The following ABI3BP variants were observed in gnomAD, a reference collection of about 807,000 sequenced individuals.
ABI3BP encodes target of Nesh-SH3.
Under a neutral mutation model 268.6 loss-of-function variants are expected in ABI3BP, and 216 were observed. That is an observed-to-expected ratio of 0.80 (90% CI 0.72 to 0.90). The LOEUF (loss-of-function observed/expected upper bound fraction) is 0.90, where lower values mean the gene tolerates loss of function less well. Ranked by LOEUF, ABI3BP falls within the 40% of genes least tolerant of loss-of-function variation. The pLI, the probability that ABI3BP is intolerant of heterozygous loss-of-function variation, is 0.00. For missense variants in ABI3BP, 2,090 were observed against 2,182.4 expected, an observed-to-expected ratio of 0.96 and a Z score of 0.84; for synonymous variants, 730 against 730.0, an observed-to-expected ratio of 1.00 and a Z score of 0.00.
At position 100,837,109 on chromosome 3, in the gene ABI3BP, A is replaced by G. The variant is rs1316350402; in HGVS notation, c.2131+15T>C. The G allele has an allele frequency of 2.9e-5, 45 of 1,529,844 alleles. No homozygotes were observed. Among genetic ancestry groups the G allele is most frequent in the Non-Finnish European group, 3.1e-5 (36 of 1,143,732 alleles). The allele number at this position is 1,529,844 out of a possible 1,614,324, so 94.8% of individuals were successfully genotyped here. A position where few individuals can be genotyped will look rare whatever the true frequency, so the allele number is the denominator to read the frequency against. On this transcript the variant is annotated intron_variant, in intron 27 of 67. Coordinates refer to ENST00000471714, the MANE Select transcript of ABI3BP (RefSeq NM_001375547.2). ...TCAGAGAAACATTGGCCAAGAAGGA[A>G]GAAAGCATCATTACCTATGGTCATT...
chr3:100,863,003 C>T (rs2099014444), intron 12 of ABI3BP, 94 bp from the exon 13 acceptor site: 1 of 843,340 alleles, frequency 1.2e-6, no homozygotes, highest in Non-Finnish European at 1.9e-6. Flanking sequence ...AAAGCAAACA[C>T]AAAAAGGCAA....
chr3:100,945,369 C>T (rs1195500307), intron 1 of ABI3BP, among the ~76,000 whole-genome samples: 1 of 152,044 alleles, frequency 6.6e-6, no homozygotes, highest in Non-Finnish European at 1.5e-5. Flanking sequence ...TTTAAGTATA[C>T]AGCTCAATGA....
At chr3:100,840,193 C>T in intron 22 of ABI3BP, 29 bp from the exon 23 acceptor site, 4 of 1,477,016 alleles carry the variant, frequency 2.7e-6, no homozygotes, top group Non-Finnish European at 3.6e-6. Flanking sequence ...CAAGTTAATA[C>T]AAGAAGGGTG....
At chr3:100,880,029 G>C (rs1426295738) in intron 6 of ABI3BP, among the ~76,000 whole-genome samples, 2 of 152,172 alleles carry the variant, frequency 1.3e-5, no homozygotes, top group African/African-American at 4.8e-5. Context: ...AAGATACAGT[G>C]TTTAACCAAT....
chr3:100,885,779 G>A (rs369383188), intron 5 of ABI3BP, among the ~76,000 whole-genome samples, 191 bp from the exon 6 acceptor site: 14 of 152,080 alleles, frequency 9.2e-5, no homozygotes, highest in Admixed American at 7.9e-4. Flanking sequence ...CAAGGTTCCC[G>A]AAAGTCTTTT....
intron 16 of ABI3BP, 37 bp from the exon 17 acceptor site, chr3:100,850,156 C>A: frequency 6.4e-7 from 1 of 1,566,620 alleles, no homozygotes. Flanking sequence ...CAAATAATCC[C>A]AGTTAAAATG....
At position 100,750,454 on chromosome 3, in the gene ABI3BP, T is replaced by G. The variant is rs1447357428; in HGVS notation, c.*41A>C. On this transcript the variant is annotated 3_prime_UTR_variant, in exon 68 of 68. Coordinates refer to ENST00000471714, the MANE Select transcript of ABI3BP (RefSeq NM_001375547.2). The stretch of plus-strand genomic sequence containing the variant: ...TGCGGCATAGTATTTTCAATGATTT[T>G]TGTTTGCAATGATGAAACAGAAGGT... The G allele has an allele frequency of 6.8e-7, 1 of 1,465,882 alleles. No individual in the cohort carries two copies. Among genetic ancestry groups the G allele is most frequent in the Non-Finnish European group, 9.5e-7 (1 of 1,050,646 alleles). 90.8% of individuals were successfully genotyped at this position (1,465,882 alleles called of 1,614,324 possible).
chr3:100,975,859 G>C (rs1175741483), intron 1 of ABI3BP, among the ~76,000 whole-genome samples: 1 of 152,108 alleles, frequency 6.6e-6, no homozygotes, highest in Admixed American at 6.5e-5. Flanking sequence ...AGGGTATTTG[G>C]TCTGGGAAGA....
chr3:100,805,735 T>C (rs1403772080), intron 50 of ABI3BP, among the ~76,000 whole-genome samples: 2 of 152,064 alleles, frequency 1.3e-5, no homozygotes, highest in African/African-American at 2.4e-5. Flanking sequence ...GGGATCTCTA[T>C]ATCCCAGTTC....
At chr3:100,900,191 G>T (rs2153486062) in intron 3 of ABI3BP, among the ~76,000 whole-genome samples, 1 of 152,322 alleles carries the variant, frequency 6.6e-6, no homozygotes, top group Non-Finnish European at 1.5e-5. Context: ...TGCAGACCCA[G>T]CTGTAATTGT....
chr3:100,984,986 A>C (rs2091150317), intron 1 of ABI3BP, among the ~76,000 whole-genome samples: 3 of 152,102 alleles, frequency 2.0e-5, no homozygotes, highest in Admixed American at 2.0e-4. Flanking sequence ...ATTAACACTA[A>C]ATAGGATCTG....
intron 4 of ABI3BP, among the ~76,000 whole-genome samples, chr3:100,893,448 A>C (rs2045719870): frequency 6.6e-6 from 1 of 152,174 alleles, no homozygotes; most frequent in African/African-American, 2.4e-5. Flanking sequence ...CAAATGGTTA[A>C]AGGGGCAAGA....
At chr3:100,775,420 T>A (rs923935336) in intron 59 of ABI3BP, 85 bp from the exon 60 acceptor site, 4 of 1,520,204 alleles carry the variant, frequency 2.6e-6, no homozygotes, top group Non-Finnish European at 3.6e-6. Context: ...TAAATGTTTT[T>A]AAGCACTGAC....
rs1176281004 is a variant in ABI3BP at position 100,838,456 on chromosome 3, G to C, written c.1954C>G (p.Pro652Ala). The C allele has an allele frequency of 1.9e-5, 29 of 1,535,490 alleles. No individual in the cohort carries two copies. The Admixed American group carries it at 5.7e-4, about 30-fold the overall frequency. Residue 652 changes from proline (P) to alanine (A), a missense_variant, in exon 25 of 68, where the codon CCA becomes GCA. Transcript: ENST00000471714. ...TGTGTGGTTTTAGGTCTCTCAGATG[G>C]TTTTGAGGCTAAAGAAAAAGGTATT... ...EPLVPTTASK[P>A]SERPKTTHRP...
At chr3:100,865,054 C>T (rs902487646) in intron 10 of ABI3BP, 147 bp from the exon 11 acceptor site, 5 of 674,046 alleles carry the variant, frequency 7.4e-6, no homozygotes, top group Non-Finnish European at 1.3e-5. Context: ...AGCTCCTTGG[C>T]TTGTCTCAAG....
intron 30 of ABI3BP, 55 bp from the exon 31 acceptor site, chr3:100,832,405 A>C (rs763117055): frequency 2.1e-5 from 30 of 1,420,014 alleles, no homozygotes; most frequent in Non-Finnish European, 2.8e-5. Flanking sequence ...TTCACTGTGA[A>C]TAGGATGACA....
intron 1 of ABI3BP, among the ~76,000 whole-genome samples, chr3:100,943,118 T>C (rs183380566): frequency 3.3e-5 from 5 of 152,212 alleles, no homozygotes; most frequent in African/African-American, 9.6e-5. Context: ...TATTTAGAGA[T>C]TTAAAATCAA....
At chr3:100,919,749 C>A (rs185773604) in intron 2 of ABI3BP, among the ~76,000 whole-genome samples, 1 of 152,152 alleles carries the variant, frequency 6.6e-6, no homozygotes, top group Admixed American at 6.5e-5. Context: ...TCAAAATTCT[C>A]GCTATCTTCT....
At chr3:100,884,990 A>AT (rs1248742010) in intron 6 of ABI3BP, among the ~76,000 whole-genome samples, 3 of 14,654 alleles carry the variant, frequency 2.0e-4, no homozygotes, top group Non-Finnish European at 7.2e-4. Flanking sequence ...AGAGCATGAG[A>AT]AACCGAGTGG....
Sources: gnomAD v4.1 joint callset for allele counts (sites outside exome capture counted in the v4.1 genomes callset) on GRCh38, gnomAD v4.1.1 for gene constraint, MANE v1.5 for transcripts, NCBI Gene and HGNC (gene_info 2026-07-23, HGNC 2026-07-21) for gene names.